Variants in PBX1 observed in about 807,000 individuals in gnomAD.
PBX1 encodes PBX homeobox 1.
A neutral mutation model predicts 53.4 loss-of-function variants in PBX1; 6 were observed. That is an observed-to-expected ratio of 0.11 (90% CI 0.06 to 0.22). The LOEUF (loss-of-function observed/expected upper bound fraction) is 0.22. Ranked by LOEUF, PBX1 falls within the 10% of genes least tolerant of loss-of-function variation. The pLI, the probability that PBX1 is intolerant of heterozygous loss-of-function variation, is 1.00. For missense variants in PBX1, 251 were observed against 551.4 expected (o/e 0.46, Z 5.46); for synonymous variants, 204 against 212.3 (o/e 0.96, Z 0.34).
rs1266920144 is a variant in PBX1, at chr1:164,650,517, T to A, written c.265+87206T>A. Among the ~76,000 whole-genome samples the A allele has an allele frequency of 2.0e-5, 3 of 152,146 alleles. No individual in the cohort carries two copies. In the East Asian group the frequency reaches 5.8e-4, roughly 29 times the overall value. On this transcript the variant is annotated intron_variant, in intron 2 of 8. Transcript: ENST00000420696. Reference sequence around the variant, plus strand: ...CTAGGGTTACAGGTGTGAACCACCATGCCTAACTATCGTTGCTACTTTCTA... The same window carrying A: ...CTAGGGTTACAGGTGTGAACCACCAAGCCTAACTATCGTTGCTACTTTCTA...
At chr1:164,733,052 A>T (rs552356969) in intron 2 of PBX1, among the ~76,000 whole-genome samples, 55 of 152,304 alleles carry the variant, frequency 3.6e-4, no homozygotes, top group African/African-American at 1.3e-3. Flanking sequence ...TTGATACTTC[A>T]TGACTTCTCA....
chr1:164,692,291 C>T (rs1662535164), intron 2 of PBX1, among the ~76,000 whole-genome samples: 1 of 152,158 alleles, frequency 6.6e-6, no homozygotes, highest in African/African-American at 2.4e-5. Context: ...GGTGTGAACT[C>T]AGAAGTGCCA....
intron 2 of PBX1, among the ~76,000 whole-genome samples, chr1:164,668,448 TCCA>T (rs1019340422): frequency 1.4e-5 from 2 of 142,616 alleles, no homozygotes; most frequent in African/African-American, 5.0e-5. Context: ...CCACCCCACC[TCCA>T]CCATGACTTA....
At chr1:164,711,906 G>A (rs1663806713) in intron 2 of PBX1, among the ~76,000 whole-genome samples, 1 of 152,192 alleles carries the variant, frequency 6.6e-6, no homozygotes, top group South Asian at 2.1e-4. Context: ...GGGGCTGAGA[G>A]CAGGGTGGGG....
chr1:164,836,739 A>G (rs1671058485), intron 8 of PBX1, among the ~76,000 whole-genome samples: 2 of 152,162 alleles, frequency 1.3e-5, no homozygotes, highest in South Asian at 4.1e-4. Flanking sequence ...ACTAAATGGC[A>G]TTTGAGTGCA....
intron 2 of PBX1, chr1:164,683,879 C>T (rs61801260): frequency 0.066 from 10,050 of 151,680 alleles, 449 homozygotes; most frequent in South Asian, 0.15. Context: ...AGTGGAGTGG[C>T]GTGATCATAG....
At chr1:164,793,872 C>CTTTTTTTTTTTTT (rs72414989) in intron 3 of PBX1, among the ~76,000 whole-genome samples, 7 of 78,218 alleles carry the variant, frequency 8.9e-5, no homozygotes, top group Admixed American at 1.5e-4. Context: ...TTTTTCCTTT[C>CTTTTTTTTTTTTT]TTTTTTTTTT....
chr1:164,847,639 G>T lies in PBX1; in HGVS notation c.*963G>T. The T allele has an allele frequency of 1.9e-6, 2 of 1,061,202 alleles. No homozygotes were observed. The highest frequency in any genetic ancestry group is 2.3e-6 in the Non-Finnish European group (2 of 876,734). 65.7% of individuals were successfully genotyped at this position (1,061,202 alleles called of 1,614,324 possible). A position where few individuals can be genotyped will look rare whatever the true frequency, so the allele number is the denominator to read the frequency against. ...CATAGACACACACGTTCATGCACATGTAGGCACATGTACCATCTCACATCT... is the reference window on the plus strand; with the variant it reads ...CATAGACACACACGTTCATGCACATTTAGGCACATGTACCATCTCACATCT... On this transcript the variant is annotated 3_prime_UTR_variant, in exon 9 of 9. Coordinates refer to ENST00000420696, the MANE Select transcript of PBX1 (RefSeq NM_002585.4).
chr1:164,633,844 A>G (rs1181590795), intron 2 of PBX1, among the ~76,000 whole-genome samples: 1 of 152,222 alleles, frequency 6.6e-6, no homozygotes, highest in Non-Finnish European at 1.5e-5. Context: ...ATACACAGAA[A>G]GCAATTAAAA....
Position 164,671,375 on chromosome 1 carries a change from G to A in PBX1, c.265+108064G>A, listed in dbSNP as rs539728626. Among the ~76,000 whole-genome samples, 5 of 152,266 alleles carry A rather than the reference G, an allele frequency of 3.3e-5. No homozygotes were observed. The South Asian group carries it at 6.2e-4, about 19-fold the overall frequency. On this transcript the variant is annotated intron_variant, in intron 2 of 8. Coordinates refer to ENST00000420696, the MANE Select transcript of PBX1 (RefSeq NM_002585.4). The stretch of plus-strand genomic sequence containing the variant: ...GTCTCTCTAACAATTCTGATTAGCC[G>A]TGTGAGGTGGAATTTTTCTTTTAAA...
intron 2 of PBX1, among the ~76,000 whole-genome samples, chr1:164,708,322 T>G (rs1397530174): frequency 6.6e-6 from 1 of 152,184 alleles, no homozygotes; most frequent in Non-Finnish European, 1.5e-5. Flanking sequence ...GAAATATTTA[T>G]CAGATGACTG....
At chr1:164,604,839 A>G (rs1394065111) in intron 2 of PBX1, among the ~76,000 whole-genome samples, 2 of 152,032 alleles carry the variant, frequency 1.3e-5, no homozygotes, top group Non-Finnish European at 2.9e-5. Flanking sequence ...TTTATGAAAT[A>G]CTGTGCTTTT....
chr1:164,673,921 G>T (rs903423781), intron 2 of PBX1, among the ~76,000 whole-genome samples: 1 of 152,108 alleles, frequency 6.6e-6, no homozygotes, highest in Admixed American at 6.6e-5. Context: ...TACTTTATTC[G>T]TTACTCCCTT....
At chr1:164,626,759 G>A (rs1436610225) in intron 2 of PBX1, among the ~76,000 whole-genome samples, 4 of 152,194 alleles carry the variant, frequency 2.6e-5, no homozygotes, top group African/African-American at 4.8e-5. Context: ...TGAATCTCTC[G>A]TGTTTAGATT....
intron 2 of PBX1, chr1:164,652,093 C>T (rs1343814508): frequency 1.3e-5 from 2 of 151,442 alleles, no homozygotes; most frequent in Non-Finnish European, 2.9e-5. Context: ...GAGGGAGTCT[C>T]TGTCACCAGG....
intron 2 of PBX1, among the ~76,000 whole-genome samples, chr1:164,691,090 C>G (rs1439828677): frequency 6.7e-6 from 1 of 148,344 alleles, no homozygotes; most frequent in Non-Finnish European, 1.5e-5. Context: ...TCTCGGCTCA[C>G]TGCAACCTCT....
At position 164,559,783 on chromosome 1, in the gene PBX1, G is replaced by A. The variant is rs1354987293; in HGVS notation, c.-40G>A. 3.3e-6 allele frequency: 5 copies of A among 1,493,470 alleles called. No individual in the cohort carries two copies. Among genetic ancestry groups the A allele is most frequent in the Non-Finnish European group, 4.5e-6 (5 of 1,111,020 alleles). The allele number at this position is 1,493,470 out of a possible 1,614,324, so 92.5% of individuals were successfully genotyped here. ...TGCTTCCCAGGAGCCGAGCCGAGGA[G>A]CAGAAGAGGAAGAGCCGGGGGCTGC... is the stretch of plus-strand genomic sequence containing the variant. On this transcript the variant is annotated 5_prime_UTR_variant, in exon 1 of 9. Transcript: ENST00000420696.
intron 2 of PBX1, among the ~76,000 whole-genome samples, chr1:164,589,566 C>CT (rs1655215115): frequency 6.6e-6 from 1 of 152,136 alleles, no homozygotes; most frequent in Non-Finnish European, 1.5e-5. Flanking sequence ...AAATGATCCC[C>CT]TGGTGCCCTG....
intron 2 of PBX1, among the ~76,000 whole-genome samples, chr1:164,645,361 G>T (rs1659392427): frequency 6.6e-6 from 1 of 152,076 alleles, no homozygotes; most frequent in Non-Finnish European, 1.5e-5. Context: ...TTGCTCTCTG[G>T]TCCTTCTGTC....
Sources: allele counts gnomAD v4.1 joint callset (sites outside exome capture counted in the v4.1 genomes callset), GRCh38; gene constraint gnomAD v4.1.1; transcripts MANE v1.5; gene names NCBI Gene and HGNC (gene_info 2026-07-23, HGNC 2026-07-21).